Variants in KCNQ1 observed in about 807,000 individuals in gnomAD.
KCNQ1 encodes the protein potassium voltage-gated channel subfamily KQT member 1.
Under a neutral mutation model 72.4 loss-of-function variants are expected in KCNQ1, and 49 were observed. That is an observed-to-expected ratio of 0.68 (90% CI 0.54 to 0.86). The LOEUF (loss-of-function observed/expected upper bound fraction) is 0.86, where lower values mean the gene tolerates loss of function less well. KCNQ1 is among the 40% of genes least tolerant of loss of function. KCNQ1 has a pLI of 0.00. For synonymous variants in KCNQ1, 450 were observed against 412.6 expected (o/e 1.09, Z -1.10); for missense variants, 790 against 945.1 (o/e 0.84, Z 2.15).
intron 15 of KCNQ1, among the ~76,000 whole-genome samples, chr11:2,846,714 C>T (rs1848335925): frequency 1.3e-5 from 2 of 152,244 alleles, no homozygotes; most frequent in South Asian, 4.1e-4. Flanking sequence ...GGCCACTTCC[C>T]ACCCGGGGCG....
intron 11 of KCNQ1, chr11:2,685,176 T>C (rs1473630651): frequency 1.5e-5 from 6 of 398,546 alleles, no homozygotes; most frequent in East Asian, 1.1e-4. Flanking sequence ...CCCATCTGCA[T>C]GGAATGCCCC....
chr11:2,673,836 A>T lies in KCNQ1; in HGVS notation c.1514+11755A>T, dbSNP rs1850234464. ...TCCCAGGCCCACAAGCACCACAGCC[A>T]GGAGAGTCAAGGTTGGATATGAAGA... On this transcript the variant is annotated intron_variant, in intron 11 of 15. Transcript: ENST00000155840. The surrounding 1 kb of genome is among the most constrained non-coding windows in gnomAD (Gnocchi z 4.5). 2.5e-6 allele frequency: 1 copy of T among 398,656 alleles called. No individual in the cohort carries two copies. The highest frequency in any genetic ancestry group is 4.4e-6 in the Non-Finnish European group (1 of 226,204). The allele number at this position is 398,656 out of a possible 1,614,324, so 24.7% of individuals were successfully genotyped here. A position where few individuals can be genotyped will look rare whatever the true frequency, so the allele number is the denominator to read the frequency against.
At position 2,516,529 on chromosome 11, in the gene KCNQ1, T is replaced by C. The variant is rs1847291810; in HGVS notation, c.387-11399T>C. Among the ~76,000 whole-genome samples, 1 of 152,074 alleles carries C rather than the reference T, an allele frequency of 6.6e-6. No individual in the cohort carries two copies. The highest frequency in any genetic ancestry group is 6.5e-5 in the Admixed American group (1 of 15,268). On this transcript the variant is annotated intron_variant, in intron 1 of 15. Coordinates refer to ENST00000155840, the MANE Select transcript of KCNQ1 (RefSeq NM_000218.3). The surrounding 1 kb of genome is among the most constrained non-coding windows in gnomAD (Gnocchi z 7.0). ...TGGACAGGGAGCTGGACCTTCCCAA[T>C]TCGGTTGCCCTTGCTTGATGTTTAC...
Position 2,663,729 on chromosome 11 carries a change from G to A in KCNQ1, c.1514+1648G>A, listed in dbSNP as rs115470582. The A allele has an allele frequency of 5.0e-6, 2 of 398,714 alleles. No individual in the cohort carries two copies. The highest frequency in any genetic ancestry group is 4.1e-5 in the African/African-American group (2 of 48,768). The allele number at this position is 398,714 out of a possible 1,614,324, so 24.7% of individuals were successfully genotyped here. On this transcript the variant is annotated intron_variant, in intron 11 of 15. Transcript: ENST00000155840. The surrounding 1 kb of genome is among the most constrained non-coding windows in gnomAD (Gnocchi z 5.2). Reference sequence around the variant, plus strand: ...CTTGGGTCTTGCAAGGCCCCTGCAGGTGAAGGTGGTGAGAGACCAGGCACT... The same window carrying A: ...CTTGGGTCTTGCAAGGCCCCTGCAGATGAAGGTGGTGAGAGACCAGGCACT...
chr11:2,558,860 A>G (rs892819674), intron 2 of KCNQ1, among the ~76,000 whole-genome samples: 9 of 152,124 alleles, frequency 5.9e-5, no homozygotes, highest in African/African-American at 1.2e-4. Context: ...TTTGGCCCCA[A>G]TGATAATGGG....
chr11:2,744,044 G>T (rs954417490), intron 11 of KCNQ1, among the ~76,000 whole-genome samples: 1 of 152,198 alleles, frequency 6.6e-6, no homozygotes, highest in African/African-American at 2.4e-5. Context: ...CCTCACCCAC[G>T]TAGCTTGGGA....
chr11:2,545,758 T>C (rs1234474510), intron 2 of KCNQ1, among the ~76,000 whole-genome samples: 1 of 152,196 alleles, frequency 6.6e-6, no homozygotes, highest in Non-Finnish European at 1.5e-5. Context: ...TTTTGTGTAT[T>C]TGAAAGAATA....
chr11:2,714,708 C>T (rs1465312197), intron 11 of KCNQ1, among the ~76,000 whole-genome samples: 4 of 152,148 alleles, frequency 2.6e-5, no homozygotes, highest in Admixed American at 1.3e-4. Context: ...TAGCCAGCAT[C>T]CCAGAAAGGG....
rs1848699806 is a variant in KCNQ1 at position 2,593,761 on chromosome 11, C to T, written c.1393+4907C>T. 6.6e-6 allele frequency among the ~76,000 whole-genome samples: 1 copy of T among 152,180 alleles called. No homozygotes were observed. The highest frequency in any genetic ancestry group is 2.4e-5 in the African/African-American group (1 of 41,442). On this transcript the variant is annotated intron_variant, in intron 10 of 15. Transcript: ENST00000155840. This position sits in a 1 kb window ranked among gnomAD's most constrained non-coding sequence, Gnocchi z 6.9. ...GGTCAGGCTGTAGCCTCCTCCTGCTCCCGGCTCCGCGTCCTCAGCCCAACA... is the reference window on the plus strand; with the variant it reads ...GGTCAGGCTGTAGCCTCCTCCTGCTTCCGGCTCCGCGTCCTCAGCCCAACA...
chr11:2,662,449 G>A, intron 11 of KCNQ1: 1 of 405,474 alleles, frequency 2.5e-6, no homozygotes, highest in South Asian at 4.9e-5. Flanking sequence ...CCTGGCCAAA[G>A]CCATGGGGCA....
intron 10 of KCNQ1, among the ~76,000 whole-genome samples, chr11:2,604,625 A>G (rs558802766): frequency 6.7e-6 from 1 of 149,144 alleles, no homozygotes; most frequent in African/African-American, 2.5e-5. Flanking sequence ...GCTCACTGCA[A>G]CCTCTACCTC....
rs1002714575 is a variant in KCNQ1 at position 2,462,005 on chromosome 11, C to T, written c.386+16521C>T. 4 of 328,606 alleles carry T rather than the reference C, an allele frequency of 1.2e-5. No individual in the cohort carries two copies. Among genetic ancestry groups the T allele is most frequent in the Non-Finnish European group, 2.5e-5 (4 of 162,886 alleles). 20.4% of individuals were successfully genotyped at this position (328,606 alleles called of 1,614,324 possible). Reference sequence around the variant, plus strand: ...GAGTGTGGACTCAGCCAGCCTAGTCCCAATACAGCTGGGATGCATTGCTGC... The same window carrying T: ...GAGTGTGGACTCAGCCAGCCTAGTCTCAATACAGCTGGGATGCATTGCTGC... On this transcript the variant is annotated intron_variant, in intron 1 of 15. Coordinates refer to ENST00000155840, the MANE Select transcript of KCNQ1 (RefSeq NM_000218.3). This position sits in a 1 kb window ranked among gnomAD's most constrained non-coding sequence, Gnocchi z 8.2.
At position 2,445,525 on chromosome 11, in the gene KCNQ1, C is replaced by T. The variant is rs1162011268; in HGVS notation, c.386+41C>T. 4 of 1,577,472 alleles carry T rather than the reference C, an allele frequency of 2.5e-6. No homozygotes were observed. The South Asian group carries it at 3.4e-5, about 13-fold the overall frequency. On this transcript the variant is annotated intron_variant, in intron 1 of 15. Coordinates refer to ENST00000155840, the MANE Select transcript of KCNQ1 (RefSeq NM_000218.3). Reference sequence around the variant, plus strand: ...GGCGACGGCCGGCACGAAGGTGCTTCCTGAGAGCTGGTGTGGGGGAGCTCT... The same window carrying T: ...GGCGACGGCCGGCACGAAGGTGCTTTCTGAGAGCTGGTGTGGGGGAGCTCT...
rs1316497071 is a variant in KCNQ1 at position 2,687,847 on chromosome 11, C to T, written c.1514+25766C>T. On this transcript the variant is annotated intron_variant, in intron 11 of 15. Transcript: ENST00000155840. This position sits in a 1 kb window ranked among gnomAD's most constrained non-coding sequence, Gnocchi z 5.0. Reference sequence around the variant, plus strand: ...ACTGGCTCCAGGCCAAACTCTGGTTCCTGAGGAGCCTCAAAGGCTGGACTT... The same window carrying T: ...ACTGGCTCCAGGCCAAACTCTGGTTTCTGAGGAGCCTCAAAGGCTGGACTT... The T allele has an allele frequency of 1.3e-5, 5 of 398,626 alleles. No homozygotes were observed. Among genetic ancestry groups the T allele is most frequent in the Non-Finnish European group, 2.2e-5 (5 of 226,162 alleles). The allele number at this position is 398,626 out of a possible 1,614,324, so 24.7% of individuals were successfully genotyped here. A position where few individuals can be genotyped will look rare whatever the true frequency, so the allele number is the denominator to read the frequency against.
At chr11:2,719,504 A>AAAC (rs1851168058) in intron 11 of KCNQ1, among the ~76,000 whole-genome samples, 2 of 151,710 alleles carry the variant, frequency 1.3e-5, no homozygotes, top group South Asian at 2.1e-4. Context: ...AACAAACAAA[A>AAAC]AAAAAAACCA....
In KCNQ1 at chr11:2,698,538, G is replaced by T; in HGVS notation, c.1514+36457G>T. 2.5e-6 allele frequency: 1 copy of T among 397,808 alleles called. No individual in the cohort carries two copies. The highest frequency in any genetic ancestry group is 4.4e-6 in the Non-Finnish European group (1 of 225,908). 24.6% of individuals were successfully genotyped at this position (397,808 alleles called of 1,614,324 possible). A position where few individuals can be genotyped will look rare whatever the true frequency, so the allele number is the denominator to read the frequency against. ...GTGATCACCACCCCCAACTCAGACT[G>T]CAACCTTTACTTCGCCCCCTAATTC... On this transcript the variant is annotated intron_variant, in intron 11 of 15. Transcript: ENST00000155840. This position sits in a 1 kb window ranked among gnomAD's most constrained non-coding sequence, Gnocchi z 5.1.
intron 1 of KCNQ1, among the ~76,000 whole-genome samples, chr11:2,490,343 G>A (rs1220109711): frequency 2.6e-5 from 4 of 152,224 alleles, no homozygotes; most frequent in Non-Finnish European, 5.9e-5. Context: ...CTTGGACTTG[G>A]GGGAACTCAC....
intron 11 of KCNQ1, chr11:2,662,849 CCTT>C (rs1035220633): frequency 1.0e-5 from 4 of 398,686 alleles, no homozygotes; most frequent in African/African-American, 6.2e-5. Flanking sequence ...TGGAAACTCT[CCTT>C]CTCTCTACCA....
rs544615508 is a variant in KCNQ1, at chr11:2,671,125, T to C, written c.1514+9044T>C. On this transcript the variant is annotated intron_variant, in intron 11 of 15. Coordinates refer to ENST00000155840, the MANE Select transcript of KCNQ1 (RefSeq NM_000218.3). This position sits in a 1 kb window ranked among gnomAD's most constrained non-coding sequence, Gnocchi z 4.7. Reference sequence around the variant, plus strand: ...GTCTGAGCAGTTAGTCTGTCAGGCCTGGTTGGTCCCATGGGAGGCCTGAGG... The same window carrying C: ...GTCTGAGCAGTTAGTCTGTCAGGCCCGGTTGGTCCCATGGGAGGCCTGAGG... The C allele has an allele frequency of 4.5e-5, 18 of 398,470 alleles. No homozygotes were observed. The highest frequency in any genetic ancestry group is 2.5e-4 in the African/African-American group (12 of 48,656). 24.7% of individuals were successfully genotyped at this position (398,470 alleles called of 1,614,324 possible).
Sources: allele counts gnomAD v4.1 joint callset (sites outside exome capture counted in the v4.1 genomes callset), GRCh38; gene constraint gnomAD v4.1.1; non-coding constraint Gnocchi (gnomAD v3.1); transcripts MANE v1.5; gene names NCBI Gene and HGNC (gene_info 2026-07-23, HGNC 2026-07-21).